Variants in GRIK2 observed in about 807,000 individuals in gnomAD.
The protein encoded by GRIK2 is glutamate ionotropic receptor kainate type subunit 2.
A neutral mutation model predicts 100.3 loss-of-function variants in GRIK2; 32 were observed. That is an observed-to-expected ratio of 0.32 (90% CI 0.24 to 0.43). The LOEUF is 0.43. GRIK2 is among the 20% of genes least tolerant of loss of function. The probability of loss-of-function intolerance (pLI) is 1.00; values close to 1 mark genes in which losing one functional copy is unlikely to be tolerated. For missense variants in GRIK2, 843 were observed against 1,114.9 expected, an observed-to-expected ratio of 0.76 and a Z score of 3.47; for synonymous variants, 417 against 389.4, an observed-to-expected ratio of 1.07 and a Z score of -0.83.
intron 5 of GRIK2, 110 bp downstream of exon 5, chr6:101,676,914 G>T: frequency 1.7e-6 from 1 of 604,124 alleles, no homozygotes; most frequent in South Asian, 2.7e-5. Context: ...TAATAACCTT[G>T]ATGTAATTTT....
intron 2 of GRIK2, among the ~76,000 whole-genome samples, chr6:101,436,173 CAT>C: frequency 6.6e-6 from 1 of 152,136 alleles, no homozygotes; most frequent in African/African-American, 2.4e-5. Flanking sequence ...AGTTGATGTA[CAT>C]GTGTATATAC....
At chr6:101,665,517 T>A (rs1488620767) in intron 4 of GRIK2, among the ~76,000 whole-genome samples, 1 of 152,224 alleles carries the variant, frequency 6.6e-6, no homozygotes, top group Non-Finnish European at 1.5e-5. Context: ...GGTGATTTCA[T>A]GTGTTTAATA....
At chr6:101,667,362 A>G (rs778521380) in intron 4 of GRIK2, among the ~76,000 whole-genome samples, 5 of 152,178 alleles carry the variant, frequency 3.3e-5, no homozygotes, top group African/African-American at 4.8e-5. Context: ...GAAGTTAGGG[A>G]AGAGGTAAAC....
intron 14 of GRIK2, among the ~76,000 whole-genome samples, chr6:101,934,290 C>A (rs987782416): frequency 6.6e-6 from 1 of 151,856 alleles, no homozygotes; most frequent in Non-Finnish European, 1.5e-5. Flanking sequence ...TTGGCTCACC[C>A]ACATGACCTC....
chr6:101,922,130 TCCTTCCTTCCCTC>T (rs1789585830), intron 12 of GRIK2, among the ~76,000 whole-genome samples: 1 of 47,042 alleles, frequency 2.1e-5, no homozygotes, highest in South Asian at 1.1e-3. Flanking sequence ...CTTCCTTCCT[TCCTTCCTTCCCTC>T]CCTTCCTCCC....
At chr6:102,027,921 G>C (rs1769787909) in intron 14 of GRIK2, among the ~76,000 whole-genome samples, 1 of 151,068 alleles carries the variant, frequency 6.6e-6, no homozygotes, top group African/African-American at 2.4e-5. Flanking sequence ...AGTGGTTCAA[G>C]AGTAAACCTT....
Position 102,000,391 on chromosome 6 carries a change from C to T in GRIK2, c.2086-34950C>T, listed in dbSNP as rs547949825. On this transcript the variant is annotated intron_variant, in intron 14 of 16. Coordinates refer to ENST00000369134, the MANE Select transcript of GRIK2 (RefSeq NM_021956.5). Reference sequence around the variant, plus strand: ...TATCACCTGGGTAGTGAGCATAGTACCCAACTACCTGTTGGTACTATGCCT... The same window carrying T: ...TATCACCTGGGTAGTGAGCATAGTATCCAACTACCTGTTGGTACTATGCCT... 2.7e-5 allele frequency among the ~76,000 whole-genome samples: 4 copies of T among 150,350 alleles called. No homozygotes were observed. The Admixed American group carries it at 2.7e-4, about 10-fold the overall frequency.
At chr6:102,045,171 A>AGAGT (rs1187114109) in intron 15 of GRIK2, among the ~76,000 whole-genome samples, 2 of 152,056 alleles carry the variant, frequency 1.3e-5, no homozygotes, top group African/African-American at 4.8e-5. Context: ...CTGCCCTGCT[A>AGAGT]GAGTTCTCAG....
chr6:101,651,347 T>C (rs1781782434), intron 4 of GRIK2, among the ~76,000 whole-genome samples: 1 of 152,160 alleles, frequency 6.6e-6, no homozygotes, highest in South Asian at 2.1e-4. Flanking sequence ...CATTCATTCA[T>C]TCAACAAATG....
rs191158533 is a variant in GRIK2, at chr6:102,069,701, A to G, written c.*1190A>G. The G allele has an allele frequency of 6.6e-6, 1 of 152,138 alleles. No homozygotes were observed. Among genetic ancestry groups the G allele is most frequent in the East Asian group, 1.9e-4 (1 of 5,174 alleles). The allele number at this position is 152,138 out of a possible 1,614,324, so 9.4% of individuals were successfully genotyped here. A position where few individuals can be genotyped will look rare whatever the true frequency, so the allele number is the denominator to read the frequency against. On this transcript the variant is annotated 3_prime_UTR_variant, in exon 17 of 17. Coordinates refer to ENST00000369134, the MANE Select transcript of GRIK2 (RefSeq NM_021956.5). The stretch of plus-strand genomic sequence containing the variant: ...TTCTATGAAAATAGTTTTTGTATGG[A>G]AATTTTTGTAATACTTTTTATCAAC...
intron 7 of GRIK2, among the ~76,000 whole-genome samples, chr6:101,689,254 T>G (rs1052757254): frequency 1.3e-5 from 2 of 152,086 alleles, no homozygotes; most frequent in Non-Finnish European, 2.9e-5. Flanking sequence ...AGTGTTTATG[T>G]ATCTCTTTTT....
chr6:102,059,443 G>A (rs936635176), intron 16 of GRIK2, among the ~76,000 whole-genome samples: 1 of 150,888 alleles, frequency 6.6e-6, no homozygotes, highest in Non-Finnish European at 1.5e-5. Context: ...TATTTCTACT[G>A]AAGTTTCACT....
intron 2 of GRIK2, among the ~76,000 whole-genome samples, chr6:101,578,803 C>T (rs1220095621): frequency 6.6e-6 from 1 of 152,100 alleles, no homozygotes; most frequent in Non-Finnish European, 1.5e-5. Flanking sequence ...GTCCTACATT[C>T]AAATTCAGTG....
chr6:101,428,813 A>G (rs920307964), intron 2 of GRIK2, among the ~76,000 whole-genome samples: 7 of 152,166 alleles, frequency 4.6e-5, no homozygotes, highest in African/African-American at 1.7e-4. Flanking sequence ...GTTAGTCTGC[A>G]GGTGGGTGAC....
intron 7 of GRIK2, among the ~76,000 whole-genome samples, chr6:101,728,410 C>A (rs1448981201): frequency 1.3e-5 from 2 of 152,154 alleles, no homozygotes; most frequent in Admixed American, 6.6e-5. Flanking sequence ...AGAGAAAACA[C>A]AACTTACCCA....
chr6:101,621,797 C>CCTCTCT, intron 2 of GRIK2, 152 bp from the exon 3 acceptor site: 1 of 591,920 alleles, frequency 1.7e-6, no homozygotes, highest in Non-Finnish European at 3.0e-6. Context: ...TAAATCTCTC[C>CCTCTCT]CTCTCTCTCT....
chr6:101,445,525 C>A (rs1770327002), intron 2 of GRIK2, among the ~76,000 whole-genome samples: 1 of 152,068 alleles, frequency 6.6e-6, no homozygotes, highest in South Asian at 2.1e-4. Context: ...AGCTTGTACT[C>A]CAGGGACAGC....
chr6:101,812,033 TTATAAAA>T lies in GRIK2; in HGVS notation c.1204-6331_1204-6325del, dbSNP rs1249462210. Among the ~76,000 whole-genome samples, 7 of 151,476 alleles carry T rather than the reference TTATAAAA, an allele frequency of 4.6e-5. No homozygotes were observed. In the South Asian group the frequency reaches 1.2e-3, roughly 27 times the overall value. ...AGTGTAAAATATTTATTTAAAATAC[TTATAAAA>T]TATAATTAGGAAAAAATGGAAATTC... On this transcript the variant is annotated intron_variant, in intron 9 of 16. Coordinates refer to ENST00000369134, the MANE Select transcript of GRIK2 (RefSeq NM_021956.5).
chr6:102,061,872 G>T (rs1771770579), intron 16 of GRIK2, among the ~76,000 whole-genome samples: 1 of 150,174 alleles, frequency 6.7e-6, no homozygotes, highest in African/African-American at 2.4e-5. Context: ...CTTATGAAAA[G>T]AAAGTTTTCT....
Sources: gnomAD v4.1 joint callset for allele counts (sites outside exome capture counted in the v4.1 genomes callset) on GRCh38, gnomAD v4.1.1 for gene constraint, MANE v1.5 for transcripts, NCBI Gene and HGNC (gene_info 2026-07-23, HGNC 2026-07-21) for gene names.